Variants in MAP6 observed in about 807,000 individuals in gnomAD.
The protein encoded by MAP6 is microtubule-associated protein 6.
In MAP6, 26 loss-of-function variants were observed where a neutral mutation model predicts 42.4. The observed-to-expected ratio is 0.61, with a 90% CI of 0.45 to 0.85. The LOEUF is 0.85. Among genes scored for constraint, MAP6 ranks in the 40% least tolerant of loss-of-function variants. MAP6 has a pLI of 0.00. For missense variants in MAP6, 966 were observed against 1,099.0 expected (o/e 0.88, Z 1.71); for synonymous variants, 418 against 443.8 (o/e 0.94, Z 0.73).
chr11:75,656,523 T>A (rs575072930), intron 1 of MAP6, among the ~76,000 whole-genome samples: 11 of 152,228 alleles, frequency 7.2e-5, no homozygotes, highest in Admixed American at 2.0e-4. Flanking sequence ...GTGAGGCCTA[T>A]GCTCCTGCTC....
chr11:75,588,328 G>T, intron 3 of MAP6, 144 bp from the exon 4 acceptor site: 1 of 472,068 alleles, frequency 2.1e-6, no homozygotes, highest in Non-Finnish European at 3.7e-6. Context: ...TGATTTCTGT[G>T]TTCTTAGTAC....
chr11:75,637,895 G>A (rs987586851), intron 1 of MAP6, among the ~76,000 whole-genome samples: 5 of 148,310 alleles, frequency 3.4e-5, no homozygotes, highest in Non-Finnish European at 4.5e-5. Context: ...ACTGAGGGAG[G>A]GAGGGAGGGA....
chr11:75,662,106 T>C (rs1943860291), intron 1 of MAP6, among the ~76,000 whole-genome samples: 1 of 152,132 alleles, frequency 6.6e-6, no homozygotes. Flanking sequence ...TAGCTCAGAC[T>C]GATGGAATAG....
At position 75,613,188 on chromosome 11, in the gene MAP6, C is replaced by T. The variant is rs553771484; in HGVS notation, c.906-4866G>A. Among the ~76,000 whole-genome samples the T allele has an allele frequency of 1.9e-3, 283 of 152,164 alleles. 1 individual carries two copies. The highest frequency in any genetic ancestry group is 3.4e-3 in the Non-Finnish European group (231 of 68,008). Reference sequence around the variant, plus strand: ...GGCTTGACATTCAGTGGGCAGTTAACGGAAGTAGCTATTGTTAGATTTATT... The same window carrying T: ...GGCTTGACATTCAGTGGGCAGTTAATGGAAGTAGCTATTGTTAGATTTATT... On this transcript the variant is annotated intron_variant, in intron 1 of 3. Transcript: ENST00000304771.
rs1943959480 is a variant in MAP6 at position 75,667,055 on chromosome 11, A to G, written c.905+410T>C. 6.6e-6 allele frequency among the ~76,000 whole-genome samples: 1 copy of G among 152,180 alleles called. No homozygotes were observed. The highest frequency in any genetic ancestry group is 2.4e-5 in the African/African-American group (1 of 41,458). On this transcript the variant is annotated intron_variant, in intron 1 of 3. Coordinates refer to ENST00000304771, the MANE Select transcript of MAP6 (RefSeq NM_033063.2). The surrounding 1 kb of genome is among the most constrained non-coding windows in gnomAD (Gnocchi z 5.6). ...GGGAGGAGGGCGAGAGGCCACTTGG[A>G]AAGAATTCTTCTTCTGGAAGAATGG...
intron 1 of MAP6, among the ~76,000 whole-genome samples, chr11:75,642,228 A>G (rs1400267711): frequency 1.3e-5 from 2 of 152,184 alleles, no homozygotes. Flanking sequence ...GCTGACTGAA[A>G]TTTGCCATAG....
At chr11:75,610,148 TC>T (rs929673958) in intron 1 of MAP6, among the ~76,000 whole-genome samples, 2 of 152,206 alleles carry the variant, frequency 1.3e-5, no homozygotes, top group African/African-American at 4.8e-5. Context: ...CAGATACGTC[TC>T]CTTGGCCTTG....
intron 1 of MAP6, among the ~76,000 whole-genome samples, chr11:75,609,337 A>C (rs893401986): frequency 1.3e-5 from 2 of 152,156 alleles, no homozygotes; most frequent in African/African-American, 4.8e-5. Flanking sequence ...GGGCACAAAA[A>C]GCTGCACTGT....
At chr11:75,606,117 G>C in intron 2 of MAP6, 113 bp from the exon 3 acceptor site, 1 of 1,319,424 alleles carries the variant, frequency 7.6e-7, no homozygotes, top group South Asian at 1.4e-5. Flanking sequence ...ACAGAGGTTG[G>C]CTCAGGTGGA....
At chr11:75,588,287 G>A (rs191206525) in intron 3 of MAP6, 103 bp from the exon 4 acceptor site, 31 of 1,065,518 alleles carry the variant, frequency 2.9e-5, no homozygotes, top group African/African-American at 1.4e-4. Context: ...AGCCTGGGCC[G>A]GGCAGCTCTT....
chr11:75,664,168 T>C (rs1174053306), intron 1 of MAP6, among the ~76,000 whole-genome samples: 1 of 152,202 alleles, frequency 6.6e-6, no homozygotes, highest in African/African-American at 2.4e-5. Flanking sequence ...AATAAAGACA[T>C]GCTTCTCAGT....
At chr11:75,603,813 A>G in intron 3 of MAP6, 1 of 985,386 alleles carries the variant, frequency 1.0e-6, no homozygotes, top group African/African-American at 1.7e-5. Flanking sequence ...GTGCATTGTA[A>G]ACTCTGATTT....
Position 75,667,781 on chromosome 11 carries a change from G to A in MAP6, c.589C>T (p.Arg197Trp), listed in dbSNP as rs1386082112. The change falls in exon 1 of 4, where the codon CGG (arginine) becomes TGG (tryptophan). Residue 197 changes from arginine to tryptophan, a missense_variant. Physicochemically the swap from Arg to Trp is moderately radical, Grantham distance 101. This residue lies in a region of MAP6 where 943 missense variants were observed against 1,049.9 expected (regional missense o/e 0.90). Transcript: ENST00000304771. This position sits in a 1 kb window ranked among gnomAD's most constrained non-coding sequence, Gnocchi z 5.6. Reference sequence around the variant, plus strand: ...GGCCAGCGCTCCTGGCTCTGCGGCCGGCGCTTGGGCGCCCCGAGAATGGGC... The same window carrying A: ...GGCCAGCGCTCCTGGCTCTGCGGCCAGCGCTTGGGCGCCCCGAGAATGGGC... ...SAPILGAPKR[R>W]PQSQERWPVQ... 1 of 1,303,946 alleles carries A rather than the reference G, an allele frequency of 7.7e-7. No homozygotes were observed. The highest frequency in any genetic ancestry group is 9.8e-7 in the Non-Finnish European group (1 of 1,025,464). The allele number at this position is 1,303,946 out of a possible 1,614,324, so 80.8% of individuals were successfully genotyped here. A position where few individuals can be genotyped will look rare whatever the true frequency, so the allele number is the denominator to read the frequency against.
At chr11:75,620,682 T>C (rs1245682086) in intron 1 of MAP6, among the ~76,000 whole-genome samples, 2 of 152,048 alleles carry the variant, frequency 1.3e-5, no homozygotes, top group African/African-American at 4.8e-5. Flanking sequence ...GCAAATCAAA[T>C]CCAGCAACAT....
In MAP6 at chr11:75,587,495, A is replaced by G; in HGVS notation, c.2006T>C (p.Val669Ala). Residue 669 changes from valine to alanine, a missense_variant, in exon 4 of 4, where the codon GTA (valine) becomes GCA (alanine). Transcript: ENST00000304771. Reference protein sequence around the residue: ...KNQGSMVSEPVKNQGLVVSGP... With the variant: ...KNQGSMVSEPAKNQGLVVSGP... ...TGAGACCACTAAACCTTGATTCTTT[A>G]CAGGCTCAGAGACCATGGAACCTTG... 2 of 1,614,122 alleles carry G rather than the reference A, an allele frequency of 1.2e-6. 1 individual carries two copies. The highest frequency in any genetic ancestry group is 2.2e-5 in the South Asian group (2 of 91,074).
At chr11:75,600,283 GGTTA>G (rs1272742393) in intron 3 of MAP6, among the ~76,000 whole-genome samples, 3 of 152,196 alleles carry the variant, frequency 2.0e-5, no homozygotes, top group African/African-American at 7.2e-5. Context: ...TGCTCCAGGA[GGTTA>G]GTGAGAGACA....
chr11:75,647,312 A>G (rs1943569311), intron 1 of MAP6, among the ~76,000 whole-genome samples: 1 of 150,698 alleles, frequency 6.6e-6, no homozygotes, highest in East Asian at 1.9e-4. Context: ...TTAAATAAAA[A>G]TAAGAATAGC....
chr11:75,618,394 A>T (rs1316269171), intron 1 of MAP6, among the ~76,000 whole-genome samples: 2 of 151,876 alleles, frequency 1.3e-5, no homozygotes, highest in Non-Finnish European at 2.9e-5. Flanking sequence ...ATCACTTGAG[A>T]TCAGGAGTTT....
chr11:75,630,009 C>T (rs1427926700), intron 1 of MAP6, among the ~76,000 whole-genome samples: 1 of 152,176 alleles, frequency 6.6e-6, no homozygotes, highest in Non-Finnish European at 1.5e-5. Context: ...GAGAAGAATG[C>T]TTGATAAAAC....
Sources: gnomAD v4.1 joint callset for allele counts (sites outside exome capture counted in the v4.1 genomes callset) on GRCh38, gnomAD v4.1.1 for gene constraint, gnomAD v4.1.1 regional missense constraint, Gnocchi (gnomAD v3.1) non-coding constraint, MANE v1.5 for transcripts, NCBI Gene and HGNC (gene_info 2026-07-23, HGNC 2026-07-21) for gene names.